The following ZBTB7C variants were observed in gnomAD, a reference collection of about 807,000 sequenced individuals.
ZBTB7C encodes zinc finger and BTB domain-containing protein 7C.
A neutral mutation model predicts 25.7 loss-of-function variants in ZBTB7C; 8 were observed. The observed-to-expected ratio is 0.31, with a 90% CI of 0.18 to 0.56. The LOEUF is 0.56. ZBTB7C is among the 20% of genes least tolerant of loss of function. The pLI is 0.91. For synonymous variants in ZBTB7C, 394 were observed against 369.0 expected (o/e 1.07, Z -0.78); for missense variants, 824 against 855.2 (o/e 0.96, Z 0.46).
intron 2 of ZBTB7C, among the ~76,000 whole-genome samples, chr18:48,281,062 C>G (rs961830102): frequency 1.3e-5 from 2 of 152,038 alleles, no homozygotes; most frequent in Non-Finnish European, 2.9e-5. Flanking sequence ...CCATGTTGGC[C>G]AGACTGGTCT....
intron 3 of ZBTB7C, among the ~76,000 whole-genome samples, chr18:48,058,586 C>T (rs2037006720): frequency 6.6e-6 from 1 of 152,210 alleles, no homozygotes; most frequent in South Asian, 2.1e-4. Flanking sequence ...TTCCCTGACA[C>T]CTTCTCCTCT....
intron 3 of ZBTB7C, among the ~76,000 whole-genome samples, chr18:48,119,970 C>T (rs1026999044): frequency 3.9e-5 from 6 of 152,066 alleles, no homozygotes; most frequent in African/African-American, 1.4e-4. Context: ...GAAGAGGGTC[C>T]CTTAGGCTGG....
chr18:48,307,866 A>AATAT lies in ZBTB7C; in HGVS notation c.-79+30307_-79+30308insATAT, dbSNP rs1329321635. ...CACCTCATAAATAAATAAATAAATA[A>AATAT]ATAAATTGTACTTTTCTGCTGCCTT... On this transcript the variant is annotated intron_variant, in intron 2 of 4. Transcript: ENST00000590800. Among the ~76,000 whole-genome samples, 3 of 152,066 alleles carry AATAT rather than the reference A, an allele frequency of 2.0e-5. No individual in the cohort carries two copies. The South Asian group carries it at 6.2e-4, about 32-fold the overall frequency.
At chr18:48,076,367 G>T (rs1442558974) in intron 3 of ZBTB7C, among the ~76,000 whole-genome samples, 1 of 152,184 alleles carries the variant, frequency 6.6e-6, no homozygotes, top group Non-Finnish European at 1.5e-5. Context: ...GTTTAATGTG[G>T]TAAGGACCTA....
chr18:48,036,328 C>T (rs2035968657), intron 4 of ZBTB7C, among the ~76,000 whole-genome samples: 1 of 152,190 alleles, frequency 6.6e-6, no homozygotes, highest in Non-Finnish European at 1.5e-5. Flanking sequence ...CCATGTCCTC[C>T]CCCTGGGTTG....
intron 2 of ZBTB7C, among the ~76,000 whole-genome samples, chr18:48,249,850 T>C (rs1490136617): frequency 6.6e-6 from 1 of 152,154 alleles, no homozygotes; most frequent in Non-Finnish European, 1.5e-5. Flanking sequence ...TTAAAGGCAA[T>C]GCAGAAATAT....
intron 3 of ZBTB7C, among the ~76,000 whole-genome samples, chr18:48,123,757 G>T (rs2039706720): frequency 6.6e-6 from 1 of 152,234 alleles, no homozygotes; most frequent in African/African-American, 2.4e-5. Context: ...GTATAAGAAT[G>T]GTGAATATAG....
chr18:48,319,412 C>T (rs1233537625), intron 2 of ZBTB7C, among the ~76,000 whole-genome samples: 2 of 152,154 alleles, frequency 1.3e-5, no homozygotes, highest in Non-Finnish European at 2.9e-5. Flanking sequence ...AGCAGAGTGC[C>T]TCACACAGAG....
At chr18:48,310,508 T>C (rs1056415791) in intron 2 of ZBTB7C, among the ~76,000 whole-genome samples, 1 of 152,062 alleles carries the variant, frequency 6.6e-6, no homozygotes, top group Non-Finnish European at 1.5e-5. Flanking sequence ...TCTTTCCTCA[T>C]GCTTAAAAGG....
At chr18:48,180,385 A>G (rs1356595914) in intron 3 of ZBTB7C, 2 of 456,546 alleles carry the variant, frequency 4.4e-6, no homozygotes, top group East Asian at 1.4e-4. Context: ...GCTGGTGATT[A>G]CCACGGTAAT....
intron 3 of ZBTB7C, among the ~76,000 whole-genome samples, chr18:48,118,617 G>A (rs2039525669): frequency 6.6e-6 from 1 of 152,088 alleles, no homozygotes; most frequent in African/African-American, 2.4e-5. Context: ...TCACTCTAGT[G>A]CCATTTATAT....
At chr18:48,372,670 C>T (rs2047414593) in intron 1 of ZBTB7C, among the ~76,000 whole-genome samples, 1 of 152,190 alleles carries the variant, frequency 6.6e-6, no homozygotes, top group Admixed American at 6.5e-5. Flanking sequence ...AACTCCTCAA[C>T]ATGGCCATGG....
At chr18:48,082,845 C>T (rs1323499122) in intron 3 of ZBTB7C, among the ~76,000 whole-genome samples, 1 of 152,124 alleles carries the variant, frequency 6.6e-6, no homozygotes, top group Non-Finnish European at 1.5e-5. Flanking sequence ...ACTTCAACTG[C>T]CCTCCACAGG....
chr18:48,042,132 C>T (rs113210928), intron 3 of ZBTB7C, among the ~76,000 whole-genome samples: 166 of 152,258 alleles, frequency 1.1e-3, no homozygotes, highest in African/African-American at 3.9e-3. Flanking sequence ...CAGGTAGGGG[C>T]GTCCAAGGAG....
chr18:48,179,489 G>A (rs1333437521), intron 3 of ZBTB7C, among the ~76,000 whole-genome samples: 1 of 152,140 alleles, frequency 6.6e-6, no homozygotes, highest in African/African-American at 2.4e-5. Context: ...GGGCTGGTGG[G>A]ATCAGACAGG....
intron 3 of ZBTB7C, among the ~76,000 whole-genome samples, chr18:48,088,058 C>T (rs4445959): frequency 0.49 from 75,159 of 151,972 alleles, 18,952 homozygotes; most frequent in East Asian, 0.69. Flanking sequence ...ATTTTATCCT[C>T]CATATCCACC....
At chr18:48,203,748 T>C (rs1050829032) in intron 2 of ZBTB7C, 21 of 152,266 alleles carry the variant, frequency 1.4e-4, no homozygotes, top group African/African-American at 5.1e-4. Flanking sequence ...AAATGATTCC[T>C]GAAGCAGGAG....
chr18:48,222,288 C>T (rs543002014), intron 2 of ZBTB7C, among the ~76,000 whole-genome samples: 1 of 152,260 alleles, frequency 6.6e-6, no homozygotes, highest in African/African-American at 2.4e-5. Context: ...CCTATGAAAC[C>T]GACACAGCTA....
intron 2 of ZBTB7C, among the ~76,000 whole-genome samples, chr18:48,276,149 C>T (rs749875021): frequency 1.3e-5 from 2 of 152,012 alleles, no homozygotes; most frequent in Non-Finnish European, 2.9e-5. Context: ...TCCAGGATCT[C>T]CTATTGTAAA....
Sources: gnomAD v4.1 joint callset for allele counts (sites outside exome capture counted in the v4.1 genomes callset) on GRCh38, gnomAD v4.1.1 for gene constraint, MANE v1.5 for transcripts, NCBI Gene and HGNC (gene_info 2026-07-23, HGNC 2026-07-21) for gene names.